BTAF1: variants seen among roughly 807,000 people sequenced by gnomAD.
BTAF1 encodes TATA-binding protein-associated factor 172.
BTAF1 carries 38 observed loss-of-function variants against 227.1 expected under a neutral mutation model. The observed-to-expected ratio is 0.17, with a 90% CI of 0.13 to 0.22. BTAF1 has a LOEUF of 0.22. Among genes scored for constraint, BTAF1 ranks in the 10% least tolerant of loss-of-function variants. The probability of loss-of-function intolerance (pLI) is 1.00; values close to 1 mark genes in which losing one functional copy is unlikely to be tolerated. For missense variants in BTAF1, 1,598 were observed against 2,204.0 expected (o/e 0.73, Z 5.51); for synonymous variants, 742 against 751.9 (o/e 0.99, Z 0.21).
chr10:91,994,387 C>A, intron 22 of BTAF1, 148 bp from the exon 23 acceptor site: 1 of 563,154 alleles, frequency 1.8e-6, no homozygotes, highest in Non-Finnish European at 3.2e-6. Flanking sequence ...AGTACCCCAG[C>A]ACTTAAATTA....
intron 14 of BTAF1, among the ~76,000 whole-genome samples, chr10:91,977,316 A>C (rs995020632): frequency 6.6e-6 from 1 of 152,164 alleles, no homozygotes; most frequent in Non-Finnish European, 1.5e-5. Flanking sequence ...CTTTTCCAGA[A>C]TGTCATATAG....
At chr10:91,991,928 T>G (rs1164156145) in intron 20 of BTAF1, among the ~76,000 whole-genome samples, 191 bp from the exon 21 acceptor site, 1 of 151,932 alleles carries the variant, frequency 6.6e-6, no homozygotes, top group Non-Finnish European at 1.5e-5. Context: ...CAACCTGGAT[T>G]GTATTAGGTA....
In BTAF1 at chr10:91,964,163, T is replaced by C; in HGVS notation, c.1491T>C (p.Leu497=). 1 of 1,613,196 alleles carries C rather than the reference T, an allele frequency of 6.2e-7. No individual in the cohort carries two copies. Among genetic ancestry groups the C allele is most frequent in the Non-Finnish European group, 8.5e-7 (1 of 1,179,522 alleles). ...CAACAAATAGTATTATGACTCTCCT[T>C]TCATCCTTGTTAACTTACCCTCAGG... is the stretch of plus-strand genomic sequence containing the variant. ...TASTNSIMTL[L]SSLLTYPQVQ... is the part of the protein sequence containing the mutation. The change falls in exon 13 of 38, where the codon CTT becomes CTC. Residue 497 remains leucine, a synonymous_variant. Transcript: ENST00000265990.
intron 4 of BTAF1, among the ~76,000 whole-genome samples, chr10:91,947,245 ATTGTT>A (rs991716105): frequency 1.3e-5 from 2 of 152,040 alleles, no homozygotes; most frequent in African/African-American, 4.8e-5. Context: ...ATTTTTTTGT[ATTGTT>A]TTGTTTGTTT....
chr10:92,002,591 T>C (rs941869670), intron 25 of BTAF1, among the ~76,000 whole-genome samples: 1 of 152,222 alleles, frequency 6.6e-6, no homozygotes, highest in Non-Finnish European at 1.5e-5. Context: ...AAAGACTTTA[T>C]TTTAATGATT....
chr10:91,957,096 TAAA>T (rs751329079), intron 7 of BTAF1, 126 bp from the exon 8 acceptor site: 327 of 579,212 alleles, frequency 5.6e-4, no homozygotes, highest in Admixed American at 8.0e-4. Context: ...CTTAATTAGT[TAAA>T]AAAATTAAAT....
chr10:91,996,277 T>G, intron 23 of BTAF1, 92 bp from the exon 24 acceptor site: 1 of 1,041,886 alleles, frequency 9.6e-7, no homozygotes, highest in Non-Finnish European at 1.4e-6. Flanking sequence ...TCACTTAGAA[T>G]ATTGAAAACT....
rs1393149885 is a variant in BTAF1 at position 92,031,017 on chromosome 10, A to AGTT, written c.*2085_*2087dup. Among the ~76,000 whole-genome samples the AGTT allele has an allele frequency of 6.6e-6, 1 of 152,182 alleles. No individual in the cohort carries two copies. The highest frequency in any genetic ancestry group is 1.5e-5 in the Non-Finnish European group (1 of 68,024). On this transcript the variant is annotated 3_prime_UTR_variant, in exon 38 of 38. Coordinates refer to ENST00000265990, the MANE Select transcript of BTAF1 (RefSeq NM_003972.3). ...AATTTCATGGATGTGATGATTTGGT[A>AGTT]GTTTTTTCAATGTATGGGTGTGGGA...
chr10:91,951,507 T>C lies in BTAF1; in HGVS notation c.505T>C (p.Phe169Leu). The change falls in exon 5 of 38, where the codon TTC becomes CTC. Residue 169 changes from phenylalanine (F) to leucine (L), a missense_variant. By Grantham distance (22) the Phe-to-Leu change is conservative (BLOSUM62 0). Around this residue, in one of 10 missense-constraint regions of BTAF1, gnomAD observed 298 missense variants for 395.2 expected, o/e 0.75. Transcript: ENST00000265990. The part of the protein sequence containing the change: ...EAIGMSTEEL[F>L]NDEDLDYTPT... ...AATTGGAATGAGTACTGAAGAACTT[T>C]TCAATGATGAGGATTTGGATTATAC... 6.2e-7 allele frequency: 1 copy of C among 1,611,616 alleles called. No individual in the cohort carries two copies. The highest frequency in any genetic ancestry group is 8.5e-7 in the Non-Finnish European group (1 of 1,179,150).
At chr10:91,926,935 C>G (rs1272194912) in intron 1 of BTAF1, among the ~76,000 whole-genome samples, 2 of 152,050 alleles carry the variant, frequency 1.3e-5, no homozygotes, top group Non-Finnish European at 2.9e-5. Flanking sequence ...CATATCTTAC[C>G]AAGTCCTTTG....
chr10:91,959,436 A>G (rs1052494270), intron 9 of BTAF1, among the ~76,000 whole-genome samples: 1 of 152,110 alleles, frequency 6.6e-6, no homozygotes, highest in Non-Finnish European at 1.5e-5. Flanking sequence ...GAACAACCTT[A>G]AGTAATTAGT....
intron 30 of BTAF1, 32 bp from the exon 31 acceptor site, chr10:92,013,635 G>A (rs1376968120): frequency 2.5e-6 from 4 of 1,613,722 alleles, no homozygotes; most frequent in Non-Finnish European, 3.4e-6. Context: ...AATAATCCCA[G>A]TACAAAAGAT....
chr10:92,009,037 A>G lies in BTAF1; in HGVS notation c.3936-4A>G, dbSNP rs1388703243. 2 of 1,613,822 alleles carry G rather than the reference A, an allele frequency of 1.2e-6. No homozygotes were observed. Among genetic ancestry groups the G allele is most frequent in the African/African-American group, 1.3e-5 (1 of 75,040 alleles). Reference sequence around the variant, plus strand: ...TTAATTTATTGTGTTTTGCTATTGTAAAGGGCCCAGGAATATGCAAGATCA... The same window carrying G: ...TTAATTTATTGTGTTTTGCTATTGTGAAGGGCCCAGGAATATGCAAGATCA... On this transcript the variant is annotated splice_region_variant and splice_polypyrimidine_tract_variant and intron_variant, in intron 27 of 37. Transcript: ENST00000265990.
At chr10:91,979,501 T>TA (rs1271071933) in intron 14 of BTAF1, among the ~76,000 whole-genome samples, 3 of 152,192 alleles carry the variant, frequency 2.0e-5, no homozygotes, top group African/African-American at 7.2e-5. Flanking sequence ...CTTTCTAACT[T>TA]AAACATTTAT....
intron 19 of BTAF1, among the ~76,000 whole-genome samples, chr10:91,984,979 T>G (rs1233470717): frequency 6.6e-6 from 1 of 152,046 alleles, no homozygotes; most frequent in African/African-American, 2.4e-5. Context: ...TAAAATTCAG[T>G]ATTTGTTTAT....
rs1177493629 is a variant in BTAF1 at position 91,942,417 on chromosome 10, T to C, written c.254-5T>C. 3 of 1,611,054 alleles carry C rather than the reference T, an allele frequency of 1.9e-6. No individual in the cohort carries two copies. Among genetic ancestry groups the C allele is most frequent in the Admixed American group, 1.7e-5 (1 of 59,892 alleles). ...GTCAAATTAATATTTTTAAACCTCA[T>C]GTAGAACCTACTTCCGAAAGTTCTA... On this transcript the variant is annotated splice_region_variant and splice_polypyrimidine_tract_variant and intron_variant, in intron 3 of 37. Transcript: ENST00000265990.
chr10:91,953,926 A>G, intron 6 of BTAF1, 53 bp downstream of exon 6: 1 of 1,595,040 alleles, frequency 6.3e-7, no homozygotes, highest in South Asian at 1.1e-5. Flanking sequence ...CTGTGGCTTT[A>G]ATCTGTGTCT....
At chr10:92,023,229 AAGAGGACTTT>A (rs1851263840) in intron 34 of BTAF1, among the ~76,000 whole-genome samples, 1 of 152,196 alleles carries the variant, frequency 6.6e-6, no homozygotes, top group Non-Finnish European at 1.5e-5. Context: ...CAACCTTACG[AAGAGGACTTT>A]CTGAGGAAAA....
intron 21 of BTAF1, 56 bp from the exon 22 acceptor site, chr10:91,993,638 T>A (rs1848949570): frequency 7.8e-7 from 1 of 1,284,600 alleles, no homozygotes; most frequent in Middle Eastern, 2.3e-4. Context: ...GTTAAAATTT[T>A]AAATGTATTA....
Sources: gnomAD v4.1 joint callset for allele counts (sites outside exome capture counted in the v4.1 genomes callset) on GRCh38, gnomAD v4.1.1 for gene constraint, gnomAD v4.1.1 regional missense constraint, MANE v1.5 for transcripts, NCBI Gene and HGNC (gene_info 2026-07-23, HGNC 2026-07-21) for gene names.